Variants in PPP2R3A observed in about 807,000 individuals in gnomAD.
The protein encoded by PPP2R3A is protein phosphatase 2 regulatory subunit B''alpha, also known as serine/threonine-protein phosphatase 2A regulatory subunit B'' subunit alpha.
In PPP2R3A, 80 loss-of-function variants were observed where a neutral mutation model predicts 106.9. That is an observed-to-expected ratio of 0.75 (90% CI 0.62 to 0.90). The LOEUF is 0.90. Among genes scored for constraint, PPP2R3A ranks in the 40% least tolerant of loss-of-function variants. PPP2R3A has a pLI of 0.00. For synonymous variants in PPP2R3A, 483 were observed against 468.3 expected (o/e 1.03, Z -0.41); for missense variants, 1,386 against 1,350.4 (o/e 1.03, Z -0.41).
intron 3 of PPP2R3A, among the ~76,000 whole-genome samples, chr3:136,032,478 A>G (rs193061030): frequency 3.3e-4 from 50 of 151,108 alleles, no homozygotes; most frequent in Non-Finnish European, 6.6e-4. Context: ...ATCAGCAAAC[A>G]GCGAGAATTT....
chr3:136,053,964 T>TAA (rs1219231180), intron 5 of PPP2R3A, among the ~76,000 whole-genome samples: 1 of 151,956 alleles, frequency 6.6e-6, no homozygotes, highest in East Asian at 1.9e-4. Flanking sequence ...AAATAAAGGT[T>TAA]AAAAAAACAC....
chr3:136,014,907 C>T (rs1335800234), intron 2 of PPP2R3A, among the ~76,000 whole-genome samples: 1 of 152,068 alleles, frequency 6.6e-6, no homozygotes, highest in Non-Finnish European at 1.5e-5. Context: ...TGTTCCACTG[C>T]TCAGGGGGAG....
intron 5 of PPP2R3A, chr3:136,055,468 G>C: frequency 8.8e-7 from 1 of 1,131,908 alleles, no homozygotes; most frequent in Non-Finnish European, 1.3e-6. Context: ...TGAAGACACA[G>C]CTCTTTCTGG....
rs528636363 is a variant in PPP2R3A at position 135,988,346 on chromosome 3, CT to C, written c.-440-12710del. ...CCACTCATGTATCCCATTGGCTCTA[CT>C]TTCAAAATATATCCAGAATCTGACC... On this transcript the variant is annotated intron_variant, in intron 1 of 13. Transcript: ENST00000264977. Among the ~76,000 whole-genome samples the C allele has an allele frequency of 6.7e-3, 1,025 of 152,002 alleles. 15 individuals carry two copies. The highest frequency in any genetic ancestry group is 0.023 in the African/African-American group (944 of 41,472).
At chr3:136,122,729 T>C (rs1938043888) in intron 13 of PPP2R3A, among the ~76,000 whole-genome samples, 1 of 152,164 alleles carries the variant, frequency 6.6e-6, no homozygotes, top group East Asian at 1.9e-4. Flanking sequence ...CAGAGCCCTA[T>C]GTGTTGGATA....
intron 5 of PPP2R3A, among the ~76,000 whole-genome samples, chr3:136,068,574 A>T (rs1936331355): frequency 6.6e-6 from 1 of 152,212 alleles, no homozygotes; most frequent in Non-Finnish European, 1.5e-5. Context: ...CTTATAGAAG[A>T]TTTCCAGTTA....
chr3:136,053,694 T>TA (rs1039375598), intron 5 of PPP2R3A, among the ~76,000 whole-genome samples: 3 of 152,186 alleles, frequency 2.0e-5, no homozygotes, highest in African/African-American at 7.2e-5. Flanking sequence ...AAATTCTCCT[T>TA]ATTTCTCTTT....
chr3:135,992,438 A>G (rs1933209373), intron 1 of PPP2R3A, among the ~76,000 whole-genome samples: 1 of 152,004 alleles, frequency 6.6e-6, no homozygotes, highest in South Asian at 2.1e-4. Flanking sequence ...TTCTTCTTTA[A>G]CCCTTTCATC....
chr3:136,127,707 A>G (rs552223717), intron 13 of PPP2R3A, among the ~76,000 whole-genome samples: 4 of 152,298 alleles, frequency 2.6e-5, no homozygotes, highest in East Asian at 1.9e-4. Context: ...AAGACACATA[A>G]TTGTCAGATT....
Position 136,079,765 on chromosome 3 carries a change from G to A in PPP2R3A, c.2631+1312G>A, listed in dbSNP as rs537823773. 6.8e-5 allele frequency among the ~76,000 whole-genome samples: 10 copies of A among 146,396 alleles called. 1 individual carries two copies. The South Asian group carries it at 2.1e-3, about 31-fold the overall frequency. ...TTAATCCTTTTTTTTTTTTTTACCAGTGATAAAATTTGAGGCCCAAATATA... is the reference window on the plus strand; with the variant it reads ...TTAATCCTTTTTTTTTTTTTTACCAATGATAAAATTTGAGGCCCAAATATA... On this transcript the variant is annotated intron_variant, in intron 7 of 13. Coordinates refer to ENST00000264977, the MANE Select transcript of PPP2R3A (RefSeq NM_002718.5).
intron 13 of PPP2R3A, among the ~76,000 whole-genome samples, chr3:136,129,949 C>T (rs1052693105): frequency 3.3e-5 from 5 of 152,102 alleles, no homozygotes; most frequent in Non-Finnish European, 4.4e-5. Flanking sequence ...AAAAGGCCTT[C>T]AACAAAATTC....
chr3:135,996,492 G>A (rs531189360), intron 1 of PPP2R3A, among the ~76,000 whole-genome samples: 1 of 152,332 alleles, frequency 6.6e-6, no homozygotes, highest in South Asian at 2.1e-4. Context: ...TATGTAGAGA[G>A]AAATATTTGT....
rs1933485841 is a variant in PPP2R3A at position 135,998,283 on chromosome 3, A to G, written c.-440-2776A>G. ...TTCAAAATTATGTACCTACATCGCT[A>G]TATTTCAGGAAACTTTTCCTGACTC... On this transcript the variant is annotated intron_variant, in intron 1 of 13. Coordinates refer to ENST00000264977, the MANE Select transcript of PPP2R3A (RefSeq NM_002718.5). Among the ~76,000 whole-genome samples, 3 of 152,200 alleles carry G rather than the reference A, an allele frequency of 2.0e-5. No individual in the cohort carries two copies. The South Asian group carries it at 6.2e-4, about 32-fold the overall frequency.
intron 13 of PPP2R3A, among the ~76,000 whole-genome samples, chr3:136,115,040 T>C (rs1937691067): frequency 6.6e-6 from 1 of 152,110 alleles, no homozygotes; most frequent in Non-Finnish European, 1.5e-5. Context: ...CTGGCGGGTG[T>C]CCATCTGGGA....
chr3:136,072,991 G>A (rs930838940), intron 6 of PPP2R3A, among the ~76,000 whole-genome samples: 10 of 151,744 alleles, frequency 6.6e-5, no homozygotes, highest in East Asian at 1.9e-4. Flanking sequence ...TTTTTGAGAC[G>A]GAGTCTCACT....
chr3:136,109,750 TAAG>T (rs1337979457), intron 13 of PPP2R3A, among the ~76,000 whole-genome samples: 2 of 152,010 alleles, frequency 1.3e-5, no homozygotes, highest in African/African-American at 4.8e-5. Flanking sequence ...CACATAAAAG[TAAG>T]AAATACAGAA....
intron 2 of PPP2R3A, among the ~76,000 whole-genome samples, chr3:136,010,215 T>A (rs568241203): frequency 6.6e-6 from 1 of 151,856 alleles, no homozygotes; most frequent in South Asian, 2.1e-4. Context: ...ATTATTTCTA[T>A]ACATGAACCA....
At chr3:136,006,491 T>C (rs1428114453) in intron 2 of PPP2R3A, among the ~76,000 whole-genome samples, 3 of 152,218 alleles carry the variant, frequency 2.0e-5, no homozygotes, top group East Asian at 3.8e-4. Context: ...GTCTCTGTCA[T>C]GTAGTCTTAT....
intron 1 of PPP2R3A, among the ~76,000 whole-genome samples, chr3:135,984,891 C>T (rs1395550032): frequency 1.3e-5 from 2 of 152,156 alleles, no homozygotes; most frequent in African/African-American, 4.8e-5. Flanking sequence ...TCACATCTTT[C>T]GTGGATGGTG....
Sources: allele counts gnomAD v4.1 joint callset (sites outside exome capture counted in the v4.1 genomes callset), GRCh38; gene constraint gnomAD v4.1.1; transcripts MANE v1.5; gene names NCBI Gene and HGNC (gene_info 2026-07-23, HGNC 2026-07-21).